ABAT: variants seen among roughly 807,000 people sequenced by gnomAD.
ABAT encodes 4-aminobutyrate aminotransferase, mitochondrial.
A neutral mutation model predicts 64.6 loss-of-function variants in ABAT; 45 were observed. The observed-to-expected ratio is 0.70, with a 90% CI of 0.55 to 0.89. The LOEUF (loss-of-function observed/expected upper bound fraction) is 0.89. ABAT is among the 40% of genes least tolerant of loss of function. The probability of loss-of-function intolerance (pLI) is 0.00; values close to 1 mark genes in which losing one functional copy is unlikely to be tolerated. For synonymous variants in ABAT, 297 were observed against 250.5 expected (o/e 1.19, Z -1.75); for missense variants, 633 against 658.4 (o/e 0.96, Z 0.42).
rs1036380623 is a variant in ABAT at position 8,764,337 on chromosome 16, A to T, written c.447+188A>T. 2.0e-5 allele frequency among the ~76,000 whole-genome samples: 3 copies of T among 152,164 alleles called. No individual in the cohort carries two copies. The highest frequency in any genetic ancestry group is 4.4e-5 in the Non-Finnish European group (3 of 68,028). On this transcript the variant is annotated intron_variant, in intron 7 of 15. Coordinates refer to ENST00000268251, the MANE Select transcript of ABAT (RefSeq NM_020686.6). This position sits in a 1 kb window ranked among gnomAD's most constrained non-coding sequence, Gnocchi z 4.2. ...AGAAGGGATTCTTTGTGTGCAGGAC[A>T]AAAGGAGCTGGGGAAATGAATATGT...
chr16:8,754,706 C>T (rs868772691), intron 5 of ABAT, among the ~76,000 whole-genome samples: 5 of 32,294 alleles, frequency 1.5e-4, no homozygotes, highest in African/African-American at 3.8e-4. Context: ...TTCTTTCTTT[C>T]TTTCTTTCTT....
rs1211206761 is a variant in ABAT at position 8,784,389 on chromosome 16, T to C, written c.*2959T>C. The C allele has an allele frequency of 2.0e-5, 3 of 152,640 alleles. No individual in the cohort carries two copies. Among genetic ancestry groups the C allele is most frequent in the Non-Finnish European group, 4.4e-5 (3 of 68,040 alleles). The allele number at this position is 152,640 out of a possible 1,614,324, so 9.5% of individuals were successfully genotyped here. ...CTCATGGTAGAAAACCATAGCTAAG[T>C]AGCATCGCAGACTTAAGCGTACAAA... On this transcript the variant is annotated 3_prime_UTR_variant, in exon 16 of 16. Coordinates refer to ENST00000268251, the MANE Select transcript of ABAT (RefSeq NM_020686.6).
intron 5 of ABAT, among the ~76,000 whole-genome samples, chr16:8,754,812 T>G (rs1312377297): frequency 6.6e-6 from 1 of 151,452 alleles, no homozygotes; most frequent in Non-Finnish European, 1.5e-5. Context: ...TCTGCCCCCC[T>G]GGTTCAAGCG....
chr16:8,697,472 T>G (rs1596403619), intron 1 of ABAT, among the ~76,000 whole-genome samples: 1 of 152,042 alleles, frequency 6.6e-6, no homozygotes, highest in African/African-American at 2.4e-5. Flanking sequence ...TGGATTCAGG[T>G]GGAGACAGGA....
chr16:8,676,416 G>C (rs2057203952), intron 1 of ABAT, among the ~76,000 whole-genome samples: 1 of 151,970 alleles, frequency 6.6e-6, no homozygotes, highest in Non-Finnish European at 1.5e-5. Context: ...TTTACAATGG[G>C]GACTTGGGGA....
intron 6 of ABAT, among the ~76,000 whole-genome samples, chr16:8,763,476 A>T (rs1436190380): frequency 6.6e-6 from 1 of 152,224 alleles, no homozygotes; most frequent in African/African-American, 2.4e-5. Flanking sequence ...CTCTGCCCTT[A>T]GGGTGTCCTA....
chr16:8,681,043 A>G (rs1349896277), intron 1 of ABAT, among the ~76,000 whole-genome samples: 3 of 150,160 alleles, frequency 2.0e-5, no homozygotes, highest in Admixed American at 6.7e-5. Context: ...GTGCAGTGGC[A>G]TGATCATAGC....
intron 1 of ABAT, among the ~76,000 whole-genome samples, chr16:8,685,254 C>A (rs1398688097): frequency 6.6e-6 from 1 of 151,964 alleles, no homozygotes; most frequent in Non-Finnish European, 1.5e-5. Context: ...CCATTGCACT[C>A]CAGCTTGAGC....
At chr16:8,725,010 G>C (rs1158737318) in intron 1 of ABAT, among the ~76,000 whole-genome samples, 1 of 151,076 alleles carries the variant, frequency 6.6e-6, no homozygotes, top group African/African-American at 2.4e-5. Context: ...TCCGCCTCCC[G>C]GGTCCAAGCG....
At chr16:8,711,142 A>G (rs2058061501) in intron 1 of ABAT, among the ~76,000 whole-genome samples, 1 of 152,152 alleles carries the variant, frequency 6.6e-6, no homozygotes, top group Admixed American at 6.5e-5. Context: ...AATTTTACAG[A>G]TTTTGACAAA....
intron 1 of ABAT, chr16:8,713,229 G>C (rs2058118585): frequency 6.6e-6 from 1 of 152,030 alleles, no homozygotes; most frequent in African/African-American, 2.4e-5. Context: ...AAGCCATTTA[G>C]GAATCTGAAG....
chr16:8,707,353 AT>A (rs386384172), intron 1 of ABAT, among the ~76,000 whole-genome samples: 156 of 123,902 alleles, frequency 1.3e-3, no homozygotes, highest in African/African-American at 1.5e-3. Context: ...TGCCAGGGTA[AT>A]TTTTTTTTTT....
At chr16:8,757,484 T>C (rs1304062282) in intron 5 of ABAT, among the ~76,000 whole-genome samples, 3 of 152,138 alleles carry the variant, frequency 2.0e-5, no homozygotes, top group Admixed American at 1.3e-4. Context: ...TCTCACCTTA[T>C]GTTTATGTAG....
chr16:8,735,750 T>C lies in ABAT; in HGVS notation c.11T>C (p.Met4Thr). The C allele has an allele frequency of 6.2e-7, 1 of 1,605,610 alleles. No individual in the cohort carries two copies. Among genetic ancestry groups the C allele is most frequent in the Non-Finnish European group, 8.5e-7 (1 of 1,176,232 alleles). Reference protein sequence around the residue: MASMLLAQRLACSF... With the variant: MASTLLAQRLACSF... The stretch of plus-strand genomic sequence containing the variant: ...GTCCCTCAAGGGGTCATGGCCTCCA[T>C]GTTGCTCGCCCAGCGCCTGGCCTGC... Residue 4 changes from methionine to threonine, a missense_variant, in exon 2 of 16, where the codon ATG becomes ACG. Coordinates refer to ENST00000268251, the MANE Select transcript of ABAT (RefSeq NM_020686.6).
At chr16:8,742,128 T>C (rs2059179618) in intron 2 of ABAT, among the ~76,000 whole-genome samples, 2 of 152,294 alleles carry the variant, frequency 1.3e-5, no homozygotes, top group African/African-American at 2.4e-5. Flanking sequence ...TTGTGCCCCA[T>C]AGCGCCCAGT....
chr16:8,695,950 G>A (rs2057692106), intron 1 of ABAT, among the ~76,000 whole-genome samples: 1 of 152,212 alleles, frequency 6.6e-6, no homozygotes, highest in South Asian at 2.1e-4. Context: ...TCTAAACCAA[G>A]TCCCTTTGCC....
chr16:8,719,681 T>A lies in ABAT; in HGVS notation c.-41-16018T>A, dbSNP rs528107786. Among the ~76,000 whole-genome samples, 3 of 152,268 alleles carry A rather than the reference T, an allele frequency of 2.0e-5. 1 individual carries two copies. The South Asian group carries it at 6.2e-4, about 32-fold the overall frequency. ...CATCAGGCCATAGAAGAAGTGCCTT[T>A]ACTAACTTCAAGTCCAGCCTGGGAA... On this transcript the variant is annotated intron_variant, in intron 1 of 15. Coordinates refer to ENST00000268251, the MANE Select transcript of ABAT (RefSeq NM_020686.6).
chr16:8,731,113 C>T (rs1018012716), intron 1 of ABAT, among the ~76,000 whole-genome samples: 13 of 152,100 alleles, frequency 8.5e-5, no homozygotes, highest in African/African-American at 2.9e-4. Flanking sequence ...CAGGCGTGCA[C>T]CACCACACCC....
In ABAT at chr16:8,680,833, T is replaced by G. The variant is rs190534357; in HGVS notation, c.-42+6122T>G. Among the ~76,000 whole-genome samples, 423 of 152,346 alleles carry G rather than the reference T, an allele frequency of 2.8e-3. 1 individual carries two copies. Among genetic ancestry groups the G allele is most frequent in the African/African-American group, 9.6e-3 (401 of 41,578 alleles). On this transcript the variant is annotated intron_variant, in intron 1 of 15. Coordinates refer to ENST00000268251, the MANE Select transcript of ABAT (RefSeq NM_020686.6). ...CTAATGACTGATGGCATTGAGCATC[T>G]TATGTGTTTGTTGCTTATTTGTATA...
Sources: allele counts gnomAD v4.1 joint callset (sites outside exome capture counted in the v4.1 genomes callset), GRCh38; gene constraint gnomAD v4.1.1; non-coding constraint Gnocchi (gnomAD v3.1); transcripts MANE v1.5; gene names NCBI Gene and HGNC (gene_info 2026-07-23, HGNC 2026-07-21).